Variants in RHEX observed in about 807,000 individuals in gnomAD.
RHEX encodes regulator of hemoglobinization and erythroid cell expansion protein.
RHEX carries 18 observed loss-of-function variants against 20.1 expected under a neutral mutation model. That is an observed-to-expected ratio of 0.90 (90% CI 0.62 to 1.33). The LOEUF is 1.33. Among genes scored for constraint, RHEX ranks in the 40% most tolerant of loss-of-function variants. The probability of loss-of-function intolerance (pLI) is 0.00; values close to 1 mark genes in which losing one functional copy is unlikely to be tolerated. For synonymous variants in RHEX, 87 were observed against 77.1 expected, an observed-to-expected ratio of 1.13 and a Z score of -0.67; for missense variants, 192 against 214.3, an observed-to-expected ratio of 0.90 and a Z score of 0.65.
intron 1 of RHEX, among the ~76,000 whole-genome samples, chr1:206,060,065 G>A (rs1553283156): frequency 1.3e-5 from 2 of 152,144 alleles, no homozygotes; most frequent in East Asian, 1.9e-4. Flanking sequence ...ATCACATGGA[G>A]GCAGCAGAAT....
At chr1:206,079,883 A>G (rs1019757452) in intron 1 of RHEX, among the ~76,000 whole-genome samples, 31 of 152,316 alleles carry the variant, frequency 2.0e-4, no homozygotes, top group African/African-American at 6.3e-4. Context: ...AGCTATTGCA[A>G]GTACTATGAA....
intron 1 of RHEX, among the ~76,000 whole-genome samples, chr1:206,090,453 C>G (rs1477869316): frequency 2.0e-5 from 3 of 151,960 alleles, no homozygotes; most frequent in African/African-American, 7.2e-5. Flanking sequence ...GTGATCCACC[C>G]TCCTTGGCCT....
chr1:206,075,379 C>T (rs1209719146), intron 1 of RHEX, among the ~76,000 whole-genome samples: 4 of 152,172 alleles, frequency 2.6e-5, no homozygotes, highest in Admixed American at 2.6e-4. Flanking sequence ...ACATATGTCA[C>T]TTAATGGTAT....
In RHEX at chr1:206,067,028, G is replaced by C. The variant is rs1396832709; in HGVS notation, c.-97+13763G>C. ...TTTTCATGGTGAACCTGTGATAAGG[G>C]AGTGGAGTCTGGCCACGGTGTCAGG... is the stretch of plus-strand genomic sequence containing the variant. On this transcript the variant is annotated intron_variant, in intron 1 of 5. Coordinates refer to ENST00000331555, the MANE Select transcript of RHEX (RefSeq NM_001007544.4). The surrounding 1 kb of genome is among the most constrained non-coding windows in gnomAD (Gnocchi z 4.6). 2.6e-5 allele frequency among the ~76,000 whole-genome samples: 4 copies of C among 152,184 alleles called. No individual in the cohort carries two copies. Among genetic ancestry groups the C allele is most frequent in the African/African-American group, 9.7e-5 (4 of 41,442 alleles).
Position 206,098,163 on chromosome 1 carries a change from C to A in RHEX, c.94C>A (p.Leu32Met), listed in dbSNP as rs781815646. ...QACFLTAINY[L>M]LSRHMAHKSE... The stretch of plus-strand genomic sequence containing the variant: ...CTGCTTCCTCACCGCCATCAACTAC[C>A]TGCTCAGCAGGCACATGGGTAACTG... The change falls in exon 3 of 6, where the codon CTG (leucine) becomes ATG (methionine). Residue 32 changes from leucine (L) to methionine (M), a missense_variant. Coordinates refer to ENST00000331555, the MANE Select transcript of RHEX (RefSeq NM_001007544.4). 1 of 1,613,284 alleles carries A rather than the reference C, an allele frequency of 6.2e-7. No individual in the cohort carries two copies. Among genetic ancestry groups the A allele is most frequent in the South Asian group, 1.1e-5 (1 of 91,052 alleles).
rs2102317195 is a variant in RHEX at position 206,077,815 on chromosome 1, A to G, written c.-96-19918A>G. On this transcript the variant is annotated intron_variant, in intron 1 of 5. Transcript: ENST00000331555. The stretch of plus-strand genomic sequence containing the variant: ...GTAGTTGCTTAGTTACCCTGAACAC[A>G]TTGTTTTCTCACCGTATTAAGGGCA... 2.0e-5 allele frequency among the ~76,000 whole-genome samples: 3 copies of G among 152,278 alleles called. 1 individual carries two copies. The highest frequency in any genetic ancestry group is 4.1e-4 in the South Asian group (2 of 4,820).
chr1:206,058,637 T>C (rs1553282941), intron 1 of RHEX, among the ~76,000 whole-genome samples: 1 of 152,210 alleles, frequency 6.6e-6, no homozygotes, highest in African/African-American at 2.4e-5. Flanking sequence ...TTCCAGACAT[T>C]GTATAGAAGA....
Position 206,102,066 on chromosome 1 carries a change from C to T in RHEX, c.*114C>T. On this transcript the variant is annotated 3_prime_UTR_variant, in exon 6 of 6. Transcript: ENST00000331555. ...CATGGGGCTCACAAGTCTATGGAGA[C>T]AGGCCAAAAAGAATGTGGAGAAGAA... The T allele has an allele frequency of 1.2e-6, 1 of 850,872 alleles. No individual in the cohort carries two copies. The highest frequency in any genetic ancestry group is 1.9e-6 in the Non-Finnish European group (1 of 524,370). The allele number at this position is 850,872 out of a possible 1,614,324, so 52.7% of individuals were successfully genotyped here. A position where few individuals can be genotyped will look rare whatever the true frequency, so the allele number is the denominator to read the frequency against.
At chr1:206,061,086 T>C (rs1268436816) in intron 1 of RHEX, 1 of 152,206 alleles carries the variant, frequency 6.6e-6, no homozygotes, top group African/African-American at 2.4e-5. Flanking sequence ...TCTGCATATA[T>C]GCTTATGGCC....
intron 1 of RHEX, chr1:206,062,006 T>A (rs542600809): frequency 6.6e-6 from 1 of 151,826 alleles, no homozygotes; most frequent in South Asian, 2.1e-4. Context: ...GGTCAAGAGA[T>A]CAAGACCATC....
At chr1:206,099,307 C>T (rs782463959) in intron 3 of RHEX, among the ~76,000 whole-genome samples, 1 of 151,668 alleles carries the variant, frequency 6.6e-6, no homozygotes, top group African/African-American at 2.4e-5. Flanking sequence ...ATGTGCCTAA[C>T]CCAGGCAGCT....
At chr1:206,082,248 T>A (rs1310395492) in intron 1 of RHEX, among the ~76,000 whole-genome samples, 1 of 152,172 alleles carries the variant, frequency 6.6e-6, no homozygotes, top group African/African-American at 2.4e-5. Context: ...CTGGGCGCTG[T>A]GGCTCATGTC....
intron 1 of RHEX, among the ~76,000 whole-genome samples, chr1:206,082,886 C>T (rs1448550840): frequency 6.6e-6 from 1 of 152,174 alleles, no homozygotes; most frequent in Non-Finnish European, 1.5e-5. Flanking sequence ...ATTTTATCCT[C>T]CTCCCATTCT....
chr1:206,098,188 G>T lies in RHEX; in HGVS notation c.112+7G>T, dbSNP rs111456444. 9.1e-3 allele frequency: 14,544 copies of T among 1,593,640 alleles called. 311 individuals carry two copies. The highest frequency in any genetic ancestry group is 0.073 in the Admixed American group (4,406 of 59,970). On this transcript the variant is annotated splice_region_variant and intron_variant, in intron 3 of 5. Transcript: ENST00000331555. ...CTGCTCAGCAGGCACATGGGTAACTGGCTCAGCATCCTCTTCCCTCCTAGT... is the reference window on the plus strand; with the variant it reads ...CTGCTCAGCAGGCACATGGGTAACTTGCTCAGCATCCTCTTCCCTCCTAGT...
chr1:206,096,296 C>A (rs1452428272), intron 1 of RHEX, among the ~76,000 whole-genome samples: 1 of 152,208 alleles, frequency 6.6e-6, no homozygotes, highest in Non-Finnish European at 1.5e-5. Context: ...ACCTACTGGC[C>A]AACCCCCTCA....
chr1:206,059,419 A>G (rs1361242191), intron 1 of RHEX, among the ~76,000 whole-genome samples: 1 of 152,162 alleles, frequency 6.6e-6, no homozygotes, highest in African/African-American at 2.4e-5. Flanking sequence ...TTGTGTTCCC[A>G]GATGCTATTT....
At chr1:206,087,613 A>T (rs932352729) in intron 1 of RHEX, among the ~76,000 whole-genome samples, 7 of 152,226 alleles carry the variant, frequency 4.6e-5, no homozygotes, top group Admixed American at 1.3e-4. Context: ...GACCATGTGC[A>T]TGGACCACTC....
chr1:206,094,169 GGT>G (rs66885504), intron 1 of RHEX, among the ~76,000 whole-genome samples: 14,790 of 147,970 alleles, frequency 0.1, 785 homozygotes, highest in African/African-American at 0.14. Flanking sequence ...CTGGTTATTT[GGT>G]GTGTGTGTGT....
intron 1 of RHEX, among the ~76,000 whole-genome samples, chr1:206,092,697 C>A (rs1364619941): frequency 1.3e-5 from 2 of 151,324 alleles, no homozygotes; most frequent in African/African-American, 4.9e-5. Flanking sequence ...TTTTTGGTAC[C>A]CCATTTTTGT....
Sources: gnomAD v4.1 joint callset for allele counts (sites outside exome capture counted in the v4.1 genomes callset) on GRCh38, gnomAD v4.1.1 for gene constraint, Gnocchi (gnomAD v3.1) non-coding constraint, MANE v1.5 for transcripts, NCBI Gene and HGNC (gene_info 2026-07-23, HGNC 2026-07-21) for gene names.